Variants in CLMN observed in about 807,000 individuals in gnomAD.
CLMN encodes calmin (calponin-like, transmembrane).
Under a neutral mutation model 92.7 loss-of-function variants are expected in CLMN, and 57 were observed. The observed-to-expected ratio is 0.61, with a 90% CI of 0.50 to 0.77. The LOEUF is 0.77. Among genes scored for constraint, CLMN ranks in the 30% least tolerant of loss-of-function variants. The probability of loss-of-function intolerance (pLI) is 0.00; values close to 1 mark genes in which losing one functional copy is unlikely to be tolerated. For synonymous variants in CLMN, 466 were observed against 470.6 expected (o/e 0.99, Z 0.13); for missense variants, 1,158 against 1,237.5 (o/e 0.94, Z 0.96).
At chr14:95,226,033 T>C (rs1186702238) in intron 2 of CLMN, among the ~76,000 whole-genome samples, 4 of 152,140 alleles carry the variant, frequency 2.6e-5, no homozygotes, top group African/African-American at 9.7e-5. Context: ...GGACACCCTA[T>C]AGGGGAGAGG....
At chr14:95,229,066 G>A (rs1897800587) in intron 2 of CLMN, among the ~76,000 whole-genome samples, 1 of 152,236 alleles carries the variant, frequency 6.6e-6, no homozygotes, top group African/African-American at 2.4e-5. Context: ...GAGACTACTT[G>A]CTGGATATAG....
intron 1 of CLMN, among the ~76,000 whole-genome samples, chr14:95,298,831 G>A (rs942921312): frequency 3.9e-5 from 6 of 152,148 alleles, no homozygotes; most frequent in African/African-American, 1.4e-4. Flanking sequence ...AAGAAAGGGA[G>A]TTTAGAGATG....
intron 1 of CLMN, among the ~76,000 whole-genome samples, chr14:95,246,264 C>T (rs1445537199): frequency 6.6e-6 from 1 of 152,198 alleles, no homozygotes. Flanking sequence ...AAACTAGGGA[C>T]AGCCCCTATG....
chr14:95,276,522 A>C (rs916656261), intron 1 of CLMN, among the ~76,000 whole-genome samples: 1 of 152,110 alleles, frequency 6.6e-6, no homozygotes, highest in Non-Finnish European at 1.5e-5. Flanking sequence ...GGCTGGCTGA[A>C]CTGTTGATAT....
At chr14:95,303,541 G>A (rs1901148205) in intron 1 of CLMN, among the ~76,000 whole-genome samples, 2 of 152,172 alleles carry the variant, frequency 1.3e-5, no homozygotes, top group African/African-American at 2.4e-5. Flanking sequence ...CAACCCTCAC[G>A]CCTTGGGACC....
chr14:95,215,831 G>C (rs868220999), intron 4 of CLMN, 98 bp from the exon 5 acceptor site: 244 of 481,032 alleles, frequency 5.1e-4, no homozygotes, highest in Non-Finnish European at 6.8e-4. Flanking sequence ...GTGTGTGTGT[G>C]TGTGTGTGTG....
At position 95,188,511 on chromosome 14, in the gene CLMN, G is replaced by A. The variant is rs1377192572; in HGVS notation, c.*3053C>T. On this transcript the variant is annotated 3_prime_UTR_variant, in exon 13 of 13. Transcript: ENST00000298912. ...CTGAAAGCAGATCAGAAACATAGAC[G>A]AAAAATAGAAAAGATAAAAAATATT... is the stretch of plus-strand genomic sequence containing the variant. 3 of 152,106 alleles carry A rather than the reference G, an allele frequency of 2.0e-5. No homozygotes were observed. The highest frequency in any genetic ancestry group is 2.4e-5 in the African/African-American group (1 of 41,416). 9.4% of individuals were successfully genotyped at this position (152,106 alleles called of 1,614,324 possible).
intron 1 of CLMN, among the ~76,000 whole-genome samples, chr14:95,275,268 G>T (rs1293122792): frequency 6.6e-6 from 1 of 152,184 alleles, no homozygotes; most frequent in East Asian, 1.9e-4. Context: ...CACCGGATAA[G>T]ACAGGAGGCC....
At chr14:95,303,829 T>C (rs1830699333) in intron 1 of CLMN, among the ~76,000 whole-genome samples, 1 of 152,242 alleles carries the variant, frequency 6.6e-6, no homozygotes, top group African/African-American at 2.4e-5. Flanking sequence ...GAGAGATTTC[T>C]CAGAGATGAG....
intron 3 of CLMN, among the ~76,000 whole-genome samples, chr14:95,222,866 C>A (rs1037651543): frequency 9.2e-5 from 14 of 152,182 alleles, no homozygotes; most frequent in Non-Finnish European, 2.9e-5. Flanking sequence ...GAAGCAGGGA[C>A]TCTTGACTTT....
intron 1 of CLMN, among the ~76,000 whole-genome samples, chr14:95,260,180 G>T (rs997879575): frequency 6.6e-6 from 1 of 152,162 alleles, no homozygotes; most frequent in Admixed American, 6.5e-5. Flanking sequence ...AGTGGCTCAC[G>T]CCTGTAATCC....
intron 1 of CLMN, among the ~76,000 whole-genome samples, chr14:95,232,426 CT>C (rs1372349526): frequency 6.6e-6 from 1 of 152,204 alleles, no homozygotes; most frequent in East Asian, 1.9e-4. Context: ...AACAACGGGA[CT>C]TTTTTCCTCT....
chr14:95,275,261 C>T (rs532808164), intron 1 of CLMN, among the ~76,000 whole-genome samples: 196 of 152,206 alleles, frequency 1.3e-3, no homozygotes, highest in African/African-American at 4.3e-3. Context: ...TCTTAGCCAC[C>T]GGATAAGACA....
intron 1 of CLMN, among the ~76,000 whole-genome samples, chr14:95,247,575 G>A (rs1024826057): frequency 2.0e-5 from 3 of 152,138 alleles, no homozygotes; most frequent in African/African-American, 7.2e-5. Flanking sequence ...GCCAACCCAG[G>A]AGACAGGCAC....
At position 95,314,997 on chromosome 14, in the gene CLMN, G is replaced by A. The variant is rs535829214; in HGVS notation, c.82+4714C>T. ...AGCTGGCGGAGGTGGGAACAGGAAC[G>A]GTCCCTCCTTGGCTCCATCCCTTCT... On this transcript the variant is annotated intron_variant, in intron 1 of 12. Coordinates refer to ENST00000298912, the MANE Select transcript of CLMN (RefSeq NM_024734.4). Among the ~76,000 whole-genome samples the A allele has an allele frequency of 2.8e-4, 43 of 152,170 alleles. 1 individual carries two copies. The highest frequency in any genetic ancestry group is 4.0e-4 in the Non-Finnish European group (27 of 68,024).
At position 95,189,013 on chromosome 14, in the gene CLMN, A is replaced by G. The variant is rs1359168219; in HGVS notation, c.*2551T>C. 6.6e-6 allele frequency: 1 copy of G among 151,974 alleles called. No individual in the cohort carries two copies. Among genetic ancestry groups the G allele is most frequent in the Admixed American group, 6.6e-5 (1 of 15,258 alleles). The allele number at this position is 151,974 out of a possible 1,614,324, so 9.4% of individuals were successfully genotyped here. A position where few individuals can be genotyped will look rare whatever the true frequency, so the allele number is the denominator to read the frequency against. On this transcript the variant is annotated 3_prime_UTR_variant, in exon 13 of 13. Coordinates refer to ENST00000298912, the MANE Select transcript of CLMN (RefSeq NM_024734.4). The stretch of plus-strand genomic sequence containing the variant: ...AAAAAAAAAAGTAAAGAGAGAGAAT[A>G]GCAAATTAATGGGGACATTTGGAGG...
chr14:95,220,863 T>C (rs1431852290), intron 4 of CLMN, among the ~76,000 whole-genome samples: 3 of 152,142 alleles, frequency 2.0e-5, no homozygotes, highest in Non-Finnish European at 2.9e-5. Flanking sequence ...GGCAGGGCGG[T>C]GAGGGCATGT....
At chr14:95,313,786 T>A (rs994020320) in intron 1 of CLMN, among the ~76,000 whole-genome samples, 1 of 152,248 alleles carries the variant, frequency 6.6e-6, no homozygotes, top group Non-Finnish European at 1.5e-5. Flanking sequence ...GCAGATGTGA[T>A]CTATGGCTTG....
intron 1 of CLMN, among the ~76,000 whole-genome samples, chr14:95,248,738 C>G (rs565137359): frequency 9.9e-5 from 15 of 152,220 alleles, no homozygotes; most frequent in African/African-American, 3.6e-4. Flanking sequence ...GGGAAGAATC[C>G]TGTCTTCAAA....
Sources: gnomAD v4.1 joint callset for allele counts (sites outside exome capture counted in the v4.1 genomes callset) on GRCh38, gnomAD v4.1.1 for gene constraint, MANE v1.5 for transcripts, NCBI Gene and HGNC (gene_info 2026-07-23, HGNC 2026-07-21) for gene names.